ZBTB20: variants seen among roughly 807,000 people sequenced by gnomAD.
ZBTB20 encodes zinc finger and BTB domain containing 20.
A neutral mutation model predicts 56.9 loss-of-function variants in ZBTB20; 9 were observed. The ratio of observed to expected loss-of-function variants is 0.16; its 90% CI spans 0.10 to 0.28. The LOEUF is 0.28. ZBTB20 is among the 10% of genes least tolerant of loss of function. The pLI is 1.00. For missense variants in ZBTB20, 655 were observed against 1,003.0 expected (o/e 0.65, Z 4.69); for synonymous variants, 417 against 420.7 (o/e 0.99, Z 0.11).
At chr3:114,354,942 T>C (rs2081079273) in intron 10 of ZBTB20, among the ~76,000 whole-genome samples, 1 of 152,210 alleles carries the variant, frequency 6.6e-6, no homozygotes, top group East Asian at 1.9e-4. Context: ...TCAAAATGTC[T>C]AAATGACTTG....
At chr3:115,092,116 G>C (rs1400150459) in intron 1 of ZBTB20, among the ~76,000 whole-genome samples, 1 of 152,102 alleles carries the variant, frequency 6.6e-6, no homozygotes, top group African/African-American at 2.4e-5. Context: ...GAGAAAAGTA[G>C]TAAAGTGCAC....
chr3:114,510,653 A>G (rs2045252116), intron 6 of ZBTB20, among the ~76,000 whole-genome samples: 1 of 152,074 alleles, frequency 6.6e-6, no homozygotes, highest in African/African-American at 2.4e-5. Context: ...TGATCCTAAA[A>G]TATTATCTAA....
intron 2 of ZBTB20, among the ~76,000 whole-genome samples, chr3:114,997,758 A>C (rs2079085247): frequency 6.6e-6 from 1 of 151,792 alleles, no homozygotes; most frequent in Non-Finnish European, 1.5e-5. Context: ...TTCTTTTTAC[A>C]AAACTTCATG....
At chr3:115,022,297 TG>T (rs1490143364) in intron 2 of ZBTB20, among the ~76,000 whole-genome samples, 1 of 151,036 alleles carries the variant, frequency 6.6e-6, no homozygotes, top group African/African-American at 2.4e-5. Context: ...CAAAAGGAAC[TG>T]TCTATTACAT....
chr3:115,001,099 A>AC (rs2079229392), intron 2 of ZBTB20, among the ~76,000 whole-genome samples: 1 of 151,238 alleles, frequency 6.6e-6, no homozygotes, highest in South Asian at 2.1e-4. Flanking sequence ...AAAAAAAAAA[A>AC]AAAACAAATT....
intron 4 of ZBTB20, among the ~76,000 whole-genome samples, chr3:114,883,288 T>C (rs180814314): frequency 9.2e-5 from 14 of 152,308 alleles, no homozygotes; most frequent in Admixed American, 6.5e-5. Context: ...TTTTGGCTCA[T>C]TGAATAAACT....
At chr3:114,939,161 T>C (rs2076647748) in intron 3 of ZBTB20, among the ~76,000 whole-genome samples, 1 of 146,284 alleles carries the variant, frequency 6.8e-6, no homozygotes, top group South Asian at 2.1e-4. Context: ...GAAAGACACT[T>C]GTATACATAT....
intron 7 of ZBTB20, among the ~76,000 whole-genome samples, chr3:114,490,517 G>A (rs1471146446): frequency 1.3e-5 from 2 of 151,958 alleles, no homozygotes; most frequent in Non-Finnish European, 2.9e-5. Context: ...TCCCGTGCCC[G>A]GCCCGCTTCC....
At position 114,827,382 on chromosome 3, in the gene ZBTB20, C is replaced by T. The variant is rs146285611; in HGVS notation, c.-416-26208G>A. On this transcript the variant is annotated intron_variant, in intron 4 of 11. Transcript: ENST00000675478. ...GGCATGAGAAAGGTAAAGGCCGGGACAAAGGTACTACAATTCAGCTACACA... is the reference window on the plus strand; with the variant it reads ...GGCATGAGAAAGGTAAAGGCCGGGATAAAGGTACTACAATTCAGCTACACA... Among the ~76,000 whole-genome samples, 523 of 151,834 alleles carry T rather than the reference C, an allele frequency of 3.4e-3. 1 individual carries two copies. Among genetic ancestry groups the T allele is most frequent in the South Asian group, 6.8e-3 (33 of 4,820 alleles).
chr3:114,440,701 A>T (rs2090855534), intron 7 of ZBTB20, among the ~76,000 whole-genome samples: 1 of 152,188 alleles, frequency 6.6e-6, no homozygotes, highest in South Asian at 2.1e-4. Context: ...TATAAAGTGG[A>T]TACTGGTACG....
intron 10 of ZBTB20, among the ~76,000 whole-genome samples, chr3:114,376,688 G>C (rs1355166297): frequency 4.6e-5 from 7 of 152,176 alleles, no homozygotes; most frequent in Non-Finnish European, 1.0e-4. Context: ...GTTTGGAAAT[G>C]TGTAAAGGTT....
At chr3:114,502,116 C>G (rs2044060786) in intron 6 of ZBTB20, among the ~76,000 whole-genome samples, 1 of 152,108 alleles carries the variant, frequency 6.6e-6, no homozygotes, top group Admixed American at 6.5e-5. Flanking sequence ...AGCAGGTCCC[C>G]CTACCTCTAG....
At chr3:114,606,205 A>G (rs1272622539) in intron 6 of ZBTB20, among the ~76,000 whole-genome samples, 1 of 152,164 alleles carries the variant, frequency 6.6e-6, no homozygotes, top group Non-Finnish European at 1.5e-5. Flanking sequence ...CTCTGGAAGC[A>G]TGGTTCTTTC....
chr3:114,315,605 G>GTGTGTGTA lies in ZBTB20; in HGVS notation c.*23399_*23400insTACACACA, dbSNP rs2078653198. 1 of 151,886 alleles carries GTGTGTGTA rather than the reference G, an allele frequency of 6.6e-6. No individual in the cohort carries two copies. Among genetic ancestry groups the GTGTGTGTA allele is most frequent in the Non-Finnish European group, 1.5e-5 (1 of 68,704 alleles). 9.4% of individuals were successfully genotyped at this position (151,886 alleles called of 1,614,324 possible). A position where few individuals can be genotyped will look rare whatever the true frequency, so the allele number is the denominator to read the frequency against. ...TGTGTGTGTGTGTGTGTGTGTGTGT[G>GTGTGTGTA]TACACAGTAGCAATTGCAAAAAAGG... On this transcript the variant is annotated 3_prime_UTR_variant, in exon 12 of 12. Transcript: ENST00000675478.
chr3:115,027,459 T>G (rs2080472285), intron 2 of ZBTB20: 1 of 150,984 alleles, frequency 6.6e-6, no homozygotes, highest in Admixed American at 6.6e-5. Context: ...CAACTACCAA[T>G]GTATTGATGG....
chr3:114,900,147 A>C (rs2075050294), intron 4 of ZBTB20, among the ~76,000 whole-genome samples, 157 bp downstream of exon 4: 2 of 152,158 alleles, frequency 1.3e-5, no homozygotes, highest in Admixed American at 1.3e-4. Context: ...ATATATGTAT[A>C]AAATGTACTA....
At chr3:114,437,261 C>G (rs2090578905) in intron 7 of ZBTB20, among the ~76,000 whole-genome samples, 1 of 152,128 alleles carries the variant, frequency 6.6e-6, no homozygotes, top group South Asian at 2.1e-4. Context: ...AAAAAAATCC[C>G]TTGAGAGATG....
intron 2 of ZBTB20, among the ~76,000 whole-genome samples, chr3:115,044,538 G>A (rs2081267516): frequency 6.6e-6 from 1 of 152,158 alleles, no homozygotes. Context: ...AAACTTTAAT[G>A]ACTACTTATT....
chr3:114,879,669 T>A (rs1375955588), intron 4 of ZBTB20, among the ~76,000 whole-genome samples: 1 of 152,202 alleles, frequency 6.6e-6, no homozygotes, highest in Non-Finnish European at 1.5e-5. Context: ...CATTAGATCT[T>A]CCTTATTTAT....
Sources: allele counts gnomAD v4.1 joint callset (sites outside exome capture counted in the v4.1 genomes callset), GRCh38; gene constraint gnomAD v4.1.1; transcripts MANE v1.5; gene names NCBI Gene and HGNC (gene_info 2026-07-23, HGNC 2026-07-21).